The following ZSCAN21 variants were observed in gnomAD, a reference collection of about 807,000 sequenced individuals.
ZSCAN21 encodes the protein zinc finger and SCAN domain-containing protein 21.
Under a neutral mutation model 35.6 loss-of-function variants are expected in ZSCAN21, and 26 were observed. That is an observed-to-expected ratio of 0.73 (90% CI 0.54 to 1.01). ZSCAN21 has a LOEUF of 1.01. Ranked by LOEUF, ZSCAN21 falls within the 50% of genes least tolerant of loss-of-function variation. The pLI is 0.00. For missense variants in ZSCAN21, 593 were observed against 587.1 expected, an observed-to-expected ratio of 1.01 and a Z score of -0.10; for synonymous variants, 219 against 219.3, an observed-to-expected ratio of 1.00 and a Z score of 0.01.
intron 1 of ZSCAN21, among the ~76,000 whole-genome samples, chr7:100,056,393 A>G (rs760117538): frequency 5.9e-5 from 9 of 152,190 alleles, no homozygotes; most frequent in Non-Finnish European, 1.2e-4. Flanking sequence ...CTTTAAAATT[A>G]TGCCACATTG....
At chr7:100,063,573 G>A (rs890505855) in intron 3 of ZSCAN21, among the ~76,000 whole-genome samples, 13 of 151,974 alleles carry the variant, frequency 8.6e-5, no homozygotes, top group African/African-American at 2.9e-4. Context: ...ATTCCAGCCT[G>A]CTGACAGCGA....
intron 2 of ZSCAN21, 21 bp from the exon 3 acceptor site, chr7:100,057,677 G>T: frequency 6.3e-7 from 1 of 1,591,836 alleles, no homozygotes; most frequent in Non-Finnish European, 8.6e-7. Context: ...CACAAACCTA[G>T]CCATTCCTGA....
At chr7:100,051,044 A>C (rs1250991361) in intron 1 of ZSCAN21, among the ~76,000 whole-genome samples, 1 of 150,590 alleles carries the variant, frequency 6.6e-6, no homozygotes, top group Non-Finnish European at 1.5e-5. Flanking sequence ...ATACAAAATT[A>C]GGCGGGCGTG....
chr7:100,052,986 G>A (rs532504298), intron 1 of ZSCAN21, among the ~76,000 whole-genome samples: 3 of 151,846 alleles, frequency 2.0e-5, no homozygotes, highest in East Asian at 3.9e-4. Flanking sequence ...AAAATTAGCC[G>A]GGCATGGCAC....
chr7:100,055,050 G>A (rs1314730597), intron 1 of ZSCAN21, among the ~76,000 whole-genome samples: 2 of 145,472 alleles, frequency 1.4e-5, no homozygotes, highest in African/African-American at 5.1e-5. Context: ...TCCCCTCCCA[G>A]GTTAAAGCGA....
At chr7:100,050,637 G>A (rs1430598975) in intron 1 of ZSCAN21, among the ~76,000 whole-genome samples, 3 of 152,028 alleles carry the variant, frequency 2.0e-5, no homozygotes, top group African/African-American at 7.2e-5. Flanking sequence ...GGTGGAGGTT[G>A]CACTGAACCG....
chr7:100,054,787 C>T (rs371630939), intron 1 of ZSCAN21, among the ~76,000 whole-genome samples: 2 of 134,902 alleles, frequency 1.5e-5, no homozygotes, highest in African/African-American at 2.8e-5. Context: ...TGCAGTGAGC[C>T]GAGATCACGC....
At chr7:100,051,414 C>T (rs1204066334) in intron 1 of ZSCAN21, 1 of 147,868 alleles carries the variant, frequency 6.8e-6, no homozygotes, top group Non-Finnish European at 1.5e-5. Flanking sequence ...CTGCCTCAGC[C>T]TCCCAAGTAG....
intron 3 of ZSCAN21, among the ~76,000 whole-genome samples, chr7:100,059,519 G>C (rs1482717879): frequency 6.6e-6 from 1 of 151,374 alleles, no homozygotes; most frequent in Non-Finnish European, 1.5e-5. Context: ...CCTAAGGAAA[G>C]GGAAGTTGGC....
In ZSCAN21 at chr7:100,064,104, AC is replaced by A. The variant is rs1792498921; in HGVS notation, c.911del (p.Pro304LeufsTer182). 6.2e-7 allele frequency: 1 copy of A among 1,613,376 alleles called. No homozygotes were observed. Among genetic ancestry groups the A allele is most frequent in the African/African-American group, 1.3e-5 (1 of 74,660 alleles). ...ACAGGAGAACACACACTGGGGAGAA[AC>A]CTTACGTGTGCACCAAGTGTGGGAA... Reference protein sequence around the residue: ...KHRRTHTGEKPYVCTKCGKAF... With the variant: ...KHRRTHTGEKXYVCTKCGKAF... On this transcript the variant is annotated frameshift_variant, in exon 4 of 4. Transcript: ENST00000292450. LOFTEE classifies it high-confidence loss of function.
chr7:100,064,572 T>G lies in ZSCAN21; in HGVS notation c.1377T>G (p.Leu459=). The change falls in exon 4 of 4, where the codon CTT becomes CTG. Residue 459 remains leucine, a synonymous_variant. Coordinates refer to ENST00000292450, the MANE Select transcript of ZSCAN21 (RefSeq NM_145914.3). Reference sequence around the variant, plus strand: ...AGACCTTCTGTAGCAAGTCCAATCTTTCCAAACATCAGCGAGTCCACACTG... The same window carrying G: ...AGACCTTCTGTAGCAAGTCCAATCTGTCCAAACATCAGCGAGTCCACACTG... The part of the protein sequence containing the change: ...CGKTFCSKSN[L]SKHQRVHTGE... 1 of 1,614,198 alleles carries G rather than the reference T, an allele frequency of 6.2e-7. No individual in the cohort carries two copies. Among genetic ancestry groups the G allele is most frequent in the Non-Finnish European group, 8.5e-7 (1 of 1,180,036 alleles).
intron 1 of ZSCAN21, among the ~76,000 whole-genome samples, chr7:100,050,101 C>G (rs1328995838): frequency 6.6e-6 from 1 of 152,196 alleles, no homozygotes; most frequent in African/African-American, 2.4e-5. Context: ...GAAGTTCTTT[C>G]GCGTTCCAGA....
chr7:100,055,697 G>T (rs1031410999), intron 1 of ZSCAN21, among the ~76,000 whole-genome samples: 40 of 149,460 alleles, frequency 2.7e-4, no homozygotes, highest in Non-Finnish European at 3.1e-4. Flanking sequence ...CTGGAGTGCA[G>T]TGGCGCGATC....
chr7:100,056,757 C>G (rs1376086762), intron 1 of ZSCAN21, among the ~76,000 whole-genome samples, 154 bp from the exon 2 acceptor site: 1 of 152,202 alleles, frequency 6.6e-6, no homozygotes, highest in Non-Finnish European at 1.5e-5. Context: ...AGCCACTGTA[C>G]CCAGCTCATT....
At chr7:100,055,642 CT>C (rs1216402688) in intron 1 of ZSCAN21, among the ~76,000 whole-genome samples, 5,538 of 121,344 alleles carry the variant, frequency 0.046, 78 homozygotes, top group Middle Eastern at 0.098. Flanking sequence ...GTGAATTTTC[CT>C]TTTTTTTTTT....
At chr7:100,057,591 G>A in intron 2 of ZSCAN21, 107 bp from the exon 3 acceptor site, 4 of 1,365,908 alleles carry the variant, frequency 2.9e-6, no homozygotes, top group Non-Finnish European at 4.0e-6. Flanking sequence ...TGGGATGGGT[G>A]TTTTCCTTTT....
chr7:100,059,336 A>C (rs746849521), intron 3 of ZSCAN21, among the ~76,000 whole-genome samples: 3 of 152,264 alleles, frequency 2.0e-5, no homozygotes, highest in Non-Finnish European at 4.4e-5. Context: ...CACAGTAATT[A>C]GAGATAAAAA....
chr7:100,050,330 A>AAC (rs969432531), intron 1 of ZSCAN21, among the ~76,000 whole-genome samples: 7 of 152,146 alleles, frequency 4.6e-5, no homozygotes, highest in African/African-American at 1.7e-4. Context: ...TTCGGGCTAG[A>AAC]ACACACACAC....
In ZSCAN21 at chr7:100,057,394, C is replaced by A; in HGVS notation, c.388C>A (p.Pro130Thr). 1 of 1,547,022 alleles carries A rather than the reference C, an allele frequency of 6.5e-7. No homozygotes were observed. Among genetic ancestry groups the A allele is most frequent in the South Asian group, 1.2e-5 (1 of 80,062 alleles). The change falls in exon 2 of 4, where the codon CCA becomes ACA. Residue 130 changes from proline to threonine, a missense_variant. By Grantham distance (38) the Pro-to-Thr change is conservative. Transcript: ENST00000292450. ...AGATCTGGAGCGGGAACTGGATGAG[C>A]CAGGACACCAGGTAGGCAGGAGAGA... ...LEDLERELDE[P>T]GHQVSTPPNE...
Sources: gnomAD v4.1 joint callset for allele counts (sites outside exome capture counted in the v4.1 genomes callset) on GRCh38, gnomAD v4.1.1 for gene constraint, MANE v1.5 for transcripts, NCBI Gene and HGNC (gene_info 2026-07-23, HGNC 2026-07-21) for gene names.